The following NHSL1 variants were observed in gnomAD, a reference collection of about 807,000 sequenced individuals.
NHSL1 encodes NHS-like protein 1.
Under a neutral mutation model 95.0 loss-of-function variants are expected in NHSL1, and 48 were observed. The observed-to-expected ratio is 0.51, with a 90% CI of 0.40 to 0.64. The LOEUF (loss-of-function observed/expected upper bound fraction) is 0.64, where lower values mean the gene tolerates loss of function less well. Among genes scored for constraint, NHSL1 ranks in the 30% least tolerant of loss-of-function variants. The pLI is 0.00. For missense variants in NHSL1, 1,971 were observed against 2,077.7 expected, an observed-to-expected ratio of 0.95 and a Z score of 1.00; for synonymous variants, 783 against 833.9, an observed-to-expected ratio of 0.94 and a Z score of 1.05.
At chr6:138,466,041 T>G (rs1048528191) in intron 3 of NHSL1, among the ~76,000 whole-genome samples, 27 of 125,576 alleles carry the variant, frequency 2.2e-4, no homozygotes, top group African/African-American at 2.1e-4. Context: ...CACTCCTTTT[T>G]GGGGGGGGGG....
chr6:138,585,415 G>A (rs147649463), intron 1 of NHSL1, among the ~76,000 whole-genome samples: 5 of 152,324 alleles, frequency 3.3e-5, no homozygotes, highest in African/African-American at 1.2e-4. Flanking sequence ...TTCACTAAAG[G>A]ATGTGAGGCA....
chr6:138,437,447 A>AC lies in NHSL1; in HGVS notation c.665-3768_665-3767insG, dbSNP rs1562271038. On this transcript the variant is annotated intron_variant, in intron 5 of 7. Transcript: ENST00000343505. ...ACACACACACACACACACACACACA[A>AC]AAAAAAAAAAAAAAAATACAATGCA... is the stretch of plus-strand genomic sequence containing the variant. 4.9e-3 allele frequency among the ~76,000 whole-genome samples: 555 copies of AC among 113,776 alleles called. 16 individuals carry two copies. Among genetic ancestry groups the AC allele is most frequent in the Non-Finnish European group, 7.3e-3 (420 of 57,156 alleles). The allele number at this position is 113,776 out of a possible 152,430, so 74.6% of individuals were successfully genotyped here. A position where few individuals can be genotyped will look rare whatever the true frequency, so the allele number is the denominator to read the frequency against.
chr6:138,622,171 G>A (rs1392549435), intron 1 of NHSL1, among the ~76,000 whole-genome samples: 1 of 152,124 alleles, frequency 6.6e-6, no homozygotes, highest in African/African-American at 2.4e-5. Flanking sequence ...AGGTGAGGAG[G>A]GAATGATATG....
chr6:138,671,717 G>A (rs971471275), intron 1 of NHSL1, among the ~76,000 whole-genome samples: 1 of 152,156 alleles, frequency 6.6e-6, no homozygotes, highest in Non-Finnish European at 1.5e-5. Flanking sequence ...ATAGGGTAGA[G>A]TTGAAAGTTG....
At chr6:138,482,843 G>A (rs1055162625) in intron 2 of NHSL1, among the ~76,000 whole-genome samples, 3 of 152,218 alleles carry the variant, frequency 2.0e-5, no homozygotes, top group African/African-American at 7.2e-5. Context: ...CCTTCAAGGT[G>A]CTTACAGTTT....
At chr6:138,602,580 G>A (rs543671993) in intron 1 of NHSL1, among the ~76,000 whole-genome samples, 1 of 152,200 alleles carries the variant, frequency 6.6e-6, no homozygotes, top group Non-Finnish European at 1.5e-5. Context: ...GACCTCTGAC[G>A]ATCCTGCCCA....
rs1782300463 is a variant in NHSL1, at chr6:138,535,429, T to C, written c.16+10194A>G. Among the ~76,000 whole-genome samples the C allele has an allele frequency of 3.3e-5, 5 of 152,104 alleles. 1 individual carries two copies. The South Asian group carries it at 1.0e-3, about 32-fold the overall frequency. The stretch of plus-strand genomic sequence containing the variant: ...AATAAAAAAAATTAGCCAGGTATGA[T>C]GGTGCATGTCTGTAGTCCCAGCTAT... On this transcript the variant is annotated intron_variant, in intron 1 of 4. Transcript: ENST00000342260.
chr6:138,599,005 CCT>C (rs1210915778), intron 1 of NHSL1, among the ~76,000 whole-genome samples: 8 of 152,122 alleles, frequency 5.3e-5, no homozygotes, highest in Admixed American at 3.9e-4. Context: ...CATCAGATTC[CCT>C]GTTTAATCAT....
intron 1 of NHSL1, among the ~76,000 whole-genome samples, chr6:138,657,833 AAAAG>A (rs1562404624): frequency 6.7e-6 from 1 of 148,260 alleles, no homozygotes; most frequent in African/African-American, 2.5e-5. Context: ...AAAAAAAAAA[AAAAG>A]AAAGAAAAAA....
Position 138,432,377 on chromosome 6 carries a change from A to G in NHSL1, c.1968T>C (p.Asp656=). ...KNQGDRSNYQ[D]KSLSRNISLK... ...AAGAGATGTTTCTTGATAGGGATTT[A>G]TCCTGGTAATTGGACCGGTCCCCTT... The change falls in exon 6 of 8, where the codon GAT becomes GAC. Residue 656 remains aspartate (D), a synonymous_variant. Transcript: ENST00000343505. This position sits in a 1 kb window ranked among gnomAD's most constrained non-coding sequence, Gnocchi z 4.4. 6.4e-7 allele frequency: 1 copy of G among 1,552,028 alleles called. No individual in the cohort carries two copies. Among genetic ancestry groups the G allele is most frequent in the Non-Finnish European group, 8.7e-7 (1 of 1,147,082 alleles).
Position 138,558,971 on chromosome 6 carries a change from G to A in NHSL1, c.202+12739C>T, listed in dbSNP as rs544281154. ...AGGCTGAGGCAGGAGAATTCCTTAA[G>A]CCCTAGAGTTCAGGTTACAATAACC... On this transcript the variant is annotated intron_variant, in intron 1 of 6. Coordinates refer to the NHSL1 transcript ENST00000427025. Among the ~76,000 whole-genome samples, 10 of 151,992 alleles carry A rather than the reference G, an allele frequency of 6.6e-5. No individual in the cohort carries two copies. In the South Asian group the frequency reaches 2.1e-3, roughly 32 times the overall value.
intron 1 of NHSL1, among the ~76,000 whole-genome samples, chr6:138,497,906 T>C (rs1444229954): frequency 6.6e-6 from 1 of 152,242 alleles, no homozygotes; most frequent in Non-Finnish European, 1.5e-5. Context: ...GAGAACTAGA[T>C]ATCAAGTTAA....
chr6:138,534,873 T>C (rs1034360419), intron 1 of NHSL1, among the ~76,000 whole-genome samples: 2 of 152,200 alleles, frequency 1.3e-5, no homozygotes, highest in East Asian at 1.9e-4. Context: ...CAGCTGGGAC[T>C]GTAGTTCGGC....
At chr6:138,682,938 G>A (rs1203684057) in intron 1 of NHSL1, among the ~76,000 whole-genome samples, 3 of 152,194 alleles carry the variant, frequency 2.0e-5, no homozygotes, top group African/African-American at 7.2e-5. Flanking sequence ...GGCTGAGCCC[G>A]TCAAGTTCCG....
At chr6:138,556,246 C>T (rs187726205) in intron 1 of NHSL1, among the ~76,000 whole-genome samples, 3 of 152,164 alleles carry the variant, frequency 2.0e-5, no homozygotes, top group Admixed American at 2.0e-4. Flanking sequence ...AGAAAGACAT[C>T]TTTAAAACTA....
At chr6:138,666,051 C>T (rs1425869520) in intron 1 of NHSL1, among the ~76,000 whole-genome samples, 2 of 152,242 alleles carry the variant, frequency 1.3e-5, no homozygotes, top group Non-Finnish European at 2.9e-5. Flanking sequence ...CGCCTGCAAT[C>T]CCAGCACTTT....
intron 5 of NHSL1, among the ~76,000 whole-genome samples, chr6:138,441,400 C>T (rs1002007275): frequency 2.0e-5 from 3 of 152,192 alleles, no homozygotes; most frequent in African/African-American, 7.2e-5. Context: ...AAACAACCCT[C>T]TTCACCAGCC....
chr6:138,685,650 G>A (rs1220992682), intron 1 of NHSL1, among the ~76,000 whole-genome samples: 3 of 151,958 alleles, frequency 2.0e-5, no homozygotes, highest in Non-Finnish European at 2.9e-5. Context: ...CAGAGTTTGA[G>A]ATGAGCCTAA....
At chr6:138,468,731 G>A (rs550201697) in intron 3 of NHSL1, among the ~76,000 whole-genome samples, 1 of 152,320 alleles carries the variant, frequency 6.6e-6, no homozygotes, top group South Asian at 2.1e-4. Flanking sequence ...TAGCCTAGGT[G>A]TGTAGTAGGC....
Sources: allele counts gnomAD v4.1 joint callset (sites outside exome capture counted in the v4.1 genomes callset), GRCh38; gene constraint gnomAD v4.1.1; non-coding constraint Gnocchi (gnomAD v3.1); transcripts MANE v1.5; gene names NCBI Gene and HGNC (gene_info 2026-07-23, HGNC 2026-07-21).